SH3BGRL: variants seen among roughly 807,000 people sequenced by gnomAD.
SH3BGRL encodes adapter SH3BGRL.
Under a neutral mutation model 9.8 loss-of-function variants are expected in SH3BGRL, and 7 were observed. The observed-to-expected ratio is 0.72, with a 90% CI of 0.41 to 1.35. The LOEUF (loss-of-function observed/expected upper bound fraction) is 1.35. Ranked by LOEUF, SH3BGRL falls within the 40% of genes most tolerant of loss-of-function variation. The probability of loss-of-function intolerance (pLI) is 0.01; values close to 1 mark genes in which losing one functional copy is unlikely to be tolerated. For synonymous variants in SH3BGRL, 36 were observed against 29.1 expected (o/e 1.24, Z -0.76); for missense variants, 73 against 84.4 (o/e 0.86, Z 0.53).
At chrX:81,281,750 T>A (rs951383900) in intron 3 of SH3BGRL, among the ~76,000 whole-genome samples, 3 of 111,568 alleles carry the variant, frequency 2.7e-5, no homozygotes, top group Non-Finnish European at 5.7e-5. Context: ...AATACAAGCT[T>A]GAAAGCAAAA....
intron 1 of SH3BGRL, among the ~76,000 whole-genome samples, chrX:81,209,015 T>C (rs1404157738): frequency 1.9e-5 from 2 of 103,313 alleles, no homozygotes; most frequent in Admixed American, 2.1e-4. Flanking sequence ...TTTTTTTTTT[T>C]TTTTTTTTTT....
chrX:81,213,319 T>A (rs2075571364), intron 1 of SH3BGRL, among the ~76,000 whole-genome samples: 1 of 112,581 alleles, frequency 8.9e-6, no homozygotes, highest in Non-Finnish European at 1.9e-5. Flanking sequence ...ATACACTTTC[T>A]TCAAATATTT....
chrX:81,233,192 A>G (rs1412477359), intron 1 of SH3BGRL, among the ~76,000 whole-genome samples: 2 of 112,126 alleles, frequency 1.8e-5, no homozygotes, highest in Non-Finnish European at 3.8e-5. Context: ...ATTTGGTAAC[A>G]CTTTGAAATG....
chrX:81,227,916 A>T (rs1377788744), intron 1 of SH3BGRL, among the ~76,000 whole-genome samples: 1 of 111,779 alleles, frequency 8.9e-6, no homozygotes, highest in Non-Finnish European at 1.9e-5. Context: ...ATTACAAAAT[A>T]AACTGTGACC....
chrX:81,222,534 G>C (rs746025592), intron 1 of SH3BGRL, among the ~76,000 whole-genome samples: 7 of 110,618 alleles, frequency 6.3e-5, no homozygotes, highest in Non-Finnish European at 1.1e-4. Flanking sequence ...AGTATTCCAT[G>C]GTGTATATGT....
At chrX:81,238,827 G>A (rs774258342) in intron 1 of SH3BGRL, among the ~76,000 whole-genome samples, 165 of 80,998 alleles carry the variant, frequency 2.0e-3, no homozygotes, top group African/African-American at 6.0e-3. Context: ...AGAGAGAGAG[G>A]GAGAGAGAGA....
chrX:81,290,533 G>T (rs1602631625), intron 3 of SH3BGRL, among the ~76,000 whole-genome samples: 1 of 110,744 alleles, frequency 9.0e-6, no homozygotes, highest in Non-Finnish European at 1.9e-5. Flanking sequence ...TCAAGCAATT[G>T]AACTCATGGA....
In SH3BGRL at chrX:81,247,733, G is replaced by A. The variant is rs60019389; in HGVS notation, c.46-29251G>A. Among the ~76,000 whole-genome samples the A allele has an allele frequency of 9.2e-3, 1,014 of 110,807 alleles. 9 individuals are homozygous for A. Among genetic ancestry groups the A allele is most frequent in the African/African-American group, 0.031 (948 of 30,504 alleles). On this transcript the variant is annotated intron_variant, in intron 1 of 3. Coordinates refer to ENST00000373212, the MANE Select transcript of SH3BGRL (RefSeq NM_003022.3). ...CTAGTATTTTGTTGAGGATTTTTGTGTCTAGGTTTATCAGGGATATTGTCC... is the reference window on the plus strand; with the variant it reads ...CTAGTATTTTGTTGAGGATTTTTGTATCTAGGTTTATCAGGGATATTGTCC...
At chrX:81,288,157 A>T (rs1395324384) in intron 3 of SH3BGRL, among the ~76,000 whole-genome samples, 1 of 112,117 alleles carries the variant, frequency 8.9e-6, no homozygotes, top group Non-Finnish European at 1.9e-5. Flanking sequence ...CCAATGTGAC[A>T]CATTATATCA....
chrX:81,263,832 G>GTT (rs1022555758), intron 1 of SH3BGRL, among the ~76,000 whole-genome samples: 1 of 110,034 alleles, frequency 9.1e-6, no homozygotes, highest in African/African-American at 3.3e-5. Context: ...TTTCTTGTCT[G>GTT]TTTTTTTTGT....
In SH3BGRL at chrX:81,205,502, G is replaced by GTATATA. The variant is rs770003979; in HGVS notation, c.45+3258_45+3259insATATAT. On this transcript the variant is annotated intron_variant, in intron 1 of 3. Coordinates refer to ENST00000373212, the MANE Select transcript of SH3BGRL (RefSeq NM_003022.3). The stretch of plus-strand genomic sequence containing the variant: ...TGTATATATATGTGTGTGTGTGTGT[G>GTATATA]TGTATATATATATATATATATATAT... Among the ~76,000 whole-genome samples, 290 of 88,924 alleles carry GTATATA rather than the reference G, an allele frequency of 3.3e-3. 2 individuals carry two copies. Among genetic ancestry groups the GTATATA allele is most frequent in the African/African-American group, 0.012 (264 of 21,576 alleles). 77.2% of individuals were successfully genotyped at this position (88,924 alleles called of 115,157 possible).
intron 1 of SH3BGRL, among the ~76,000 whole-genome samples, chrX:81,269,199 G>A (rs2075768323): frequency 9.0e-6 from 1 of 111,635 alleles, no homozygotes; most frequent in Non-Finnish European, 1.9e-5. Context: ...TTTAATTGGG[G>A]CATTTAGCCC....
intron 1 of SH3BGRL, among the ~76,000 whole-genome samples, chrX:81,246,672 C>T (rs1180331536): frequency 1.8e-5 from 2 of 110,624 alleles, no homozygotes; most frequent in Non-Finnish European, 3.8e-5. Flanking sequence ...GTCAGTGAGT[C>T]TGTTTTAGTA....
intron 1 of SH3BGRL, among the ~76,000 whole-genome samples, chrX:81,212,314 TG>T (rs1340916306): frequency 1.8e-5 from 2 of 111,494 alleles, no homozygotes; most frequent in African/African-American, 6.5e-5. Context: ...TCAGGGTTGT[TG>T]GTGGTGATGA....
At chrX:81,209,686 C>T (rs907182437) in intron 1 of SH3BGRL, among the ~76,000 whole-genome samples, 1 of 111,706 alleles carries the variant, frequency 9.0e-6, no homozygotes, top group Non-Finnish European at 1.9e-5. Flanking sequence ...AATTGCCATT[C>T]AAGAGGGGAT....
At chrX:81,272,621 C>T (rs1698829586) in intron 1 of SH3BGRL, among the ~76,000 whole-genome samples, 1 of 108,761 alleles carries the variant, frequency 9.2e-6, no homozygotes, top group African/African-American at 3.4e-5. Flanking sequence ...CTGCATCAGC[C>T]TCCTGGTAGC....
intron 3 of SH3BGRL, among the ~76,000 whole-genome samples, chrX:81,282,931 C>T (rs867619828): frequency 9.0e-6 from 1 of 111,563 alleles, no homozygotes; most frequent in African/African-American, 3.3e-5. Flanking sequence ...GCAAGATTAA[C>T]CAAGAAAAGA....
intron 1 of SH3BGRL, among the ~76,000 whole-genome samples, chrX:81,210,003 A>G (rs1190789476): frequency 9.0e-6 from 1 of 111,620 alleles, no homozygotes; most frequent in Non-Finnish European, 1.9e-5. Context: ...TAAATTAACC[A>G]GGAAGGCAGT....
intron 1 of SH3BGRL, among the ~76,000 whole-genome samples, chrX:81,214,665 T>C (rs1230876445): frequency 1.8e-5 from 2 of 112,051 alleles, no homozygotes; most frequent in Non-Finnish European, 3.8e-5. Context: ...TTTTATATTG[T>C]TCTACTTGAG....
Sources: allele counts gnomAD v4.1 joint callset (sites outside exome capture counted in the v4.1 genomes callset), GRCh38; gene constraint gnomAD v4.1.1; transcripts MANE v1.5; gene names NCBI Gene and HGNC (gene_info 2026-07-23, HGNC 2026-07-21).